ZSCAN5B: variants seen among roughly 807,000 people sequenced by gnomAD.
ZSCAN5B encodes the protein zinc finger and SCAN domain-containing protein 5B.
In ZSCAN5B, 26 loss-of-function variants were observed where a neutral mutation model predicts 25.2. The ratio of observed to expected loss-of-function variants is 1.03; its 90% CI spans 0.76 to 1.43. The LOEUF (loss-of-function observed/expected upper bound fraction) is 1.43. Ranked by LOEUF, ZSCAN5B falls within the 40% of genes most tolerant of loss-of-function variation. The pLI, the probability that ZSCAN5B is intolerant of heterozygous loss-of-function variation, is 0.00. For missense variants in ZSCAN5B, 745 were observed against 622.1 expected (o/e 1.20, Z -2.10); for synonymous variants, 244 against 240.9 (o/e 1.01, Z -0.12).
chr19:56,193,620 T>C (rs1176243496), intron 1 of ZSCAN5B, among the ~76,000 whole-genome samples: 1 of 152,248 alleles, frequency 6.6e-6, no homozygotes, highest in African/African-American at 2.4e-5. Context: ...ACATTTTTCC[T>C]GTTAACCCCA....
chr19:56,191,241 C>T (rs1005166090), intron 3 of ZSCAN5B, among the ~76,000 whole-genome samples: 1 of 152,182 alleles, frequency 6.6e-6, no homozygotes, highest in African/African-American at 2.4e-5. Flanking sequence ...TGTCTCCCTG[C>T]CCCTGACGCT....
Position 56,197,831 on chromosome 19 carries a change from C to T in ZSCAN5B, c.-225G>A, listed in dbSNP as rs369162691. On this transcript the variant is annotated 5_prime_UTR_variant, in exon 1 of 5. Coordinates refer to ENST00000586855, the Ensembl canonical transcript of ZSCAN5B. ...GTCTATTTATGGAGAAGCGGGACTCCAGGCCGCGTTTCCGGTTCCCTGCGC... is the reference window on the plus strand; with the variant it reads ...GTCTATTTATGGAGAAGCGGGACTCTAGGCCGCGTTTCCGGTTCCCTGCGC... The T allele has an allele frequency of 8.1e-5, 80 of 985,358 alleles. No homozygotes were observed. The African/African-American group carries it at 1.4e-3, about 17-fold the overall frequency. 61.0% of individuals were successfully genotyped at this position (985,358 alleles called of 1,614,324 possible).
In ZSCAN5B at chr19:56,197,721, G is replaced by C. The variant is rs1449638495; in HGVS notation, c.-128+13C>G. On this transcript the variant is annotated intron_variant, in intron 1 of 4. Coordinates refer to ENST00000586855, the Ensembl canonical transcript of ZSCAN5B. ...GCTCCGAAACCCCACAGCCATCGCC[G>C]CTGGACACTCACCTCCTTCCCGGCT... is the stretch of plus-strand genomic sequence containing the variant. The C allele has an allele frequency of 1.0e-6, 1 of 984,708 alleles. No homozygotes were observed. Among genetic ancestry groups the C allele is most frequent in the East Asian group, 1.1e-4 (1 of 8,818 alleles). 61.0% of individuals were successfully genotyped at this position (984,708 alleles called of 1,614,324 possible).
rs759081899 is a variant in ZSCAN5B, at chr19:56,193,063, G to A, written c.-11C>T. The stretch of plus-strand genomic sequence containing the variant: ...CCAATTTGCAGCCATATCTACTGGA[G>A]AATATTTCAATCAGCCTCTGAGCAA... On this transcript the variant is annotated 5_prime_UTR_variant, in exon 2 of 5. Coordinates refer to ENST00000586855, the Ensembl canonical transcript of ZSCAN5B. 11 of 1,533,806 alleles carry A rather than the reference G, an allele frequency of 7.2e-6. No individual in the cohort carries two copies. The Admixed American group carries it at 2.2e-4, about 31-fold the overall frequency.
exon 3 of ZSCAN5B, chr19:56,191,876 T>C: frequency 1.9e-6 from 3 of 1,614,002 alleles, no homozygotes; most frequent in East Asian, 2.2e-5. Context: ...GCAGCGACCC[T>C]GGGCAGGATC....
At chr19:56,197,840 T>A in exon 1 of ZSCAN5B, 1 of 985,276 alleles carries the variant, frequency 1.0e-6, no homozygotes, top group Non-Finnish European at 1.2e-6. Flanking sequence ...CCAGGCCGCG[T>A]TTCCGGTTCC....
At chr19:56,194,920 T>G (rs530032076) in intron 1 of ZSCAN5B, among the ~76,000 whole-genome samples, 49 of 152,214 alleles carry the variant, frequency 3.2e-4, no homozygotes, top group African/African-American at 1.2e-3. Context: ...TTTTTCTTTT[T>G]AAATTTGGTT....
At position 56,190,356 on chromosome 19, in the gene ZSCAN5B, T is replaced by C. The variant is rs1192556365; in HGVS notation, c.959A>G (p.Asn320Ser). The change falls in exon 5 of 5, where the codon AAC (asparagine) becomes AGC (serine). Residue 320 changes from asparagine (N) to serine (S), a missense_variant. Transcript: ENST00000586855. The stretch of plus-strand genomic sequence containing the variant: ...CTCAGCTTGTCCTGGGGATTCTCTG[T>C]TGCCCACAGGTGTGGCTTCTCCTTG... The C allele has an allele frequency of 3.1e-6, 5 of 1,614,168 alleles. No individual in the cohort carries two copies. In the South Asian group the frequency reaches 5.5e-5, roughly 18 times the overall value.
chr19:56,193,706 T>C (rs566818708), intron 1 of ZSCAN5B, among the ~76,000 whole-genome samples: 1 of 152,302 alleles, frequency 6.6e-6, no homozygotes, highest in Non-Finnish European at 1.5e-5. Flanking sequence ...CCCAGGCCTG[T>C]AATCCCAGCA....
At chr19:56,192,902 T>G in exon 2 of ZSCAN5B, 1 of 1,614,152 alleles carries the variant, frequency 6.2e-7, no homozygotes, top group South Asian at 1.1e-5. Flanking sequence ...TCTGGGCAGC[T>G]GAACATCCTG....
intron 1 of ZSCAN5B, among the ~76,000 whole-genome samples, chr19:56,194,000 C>CAGAT (rs2032775612): frequency 1.3e-5 from 2 of 151,548 alleles, no homozygotes; most frequent in Admixed American, 6.6e-5. Context: ...AGCTCCTGCA[C>CAGAT]AGATATGTGG....
At chr19:56,192,497 C>G (rs1034244226) in intron 2 of ZSCAN5B, among the ~76,000 whole-genome samples, 172 bp downstream of exon 2, 1 of 152,206 alleles carries the variant, frequency 6.6e-6, no homozygotes, top group African/African-American at 2.4e-5. Context: ...TTACCAATGT[C>G]TTTCTTTCAG....
intron 1 of ZSCAN5B, among the ~76,000 whole-genome samples, chr19:56,196,576 A>G (rs756829014): frequency 6.6e-6 from 1 of 152,096 alleles, no homozygotes; most frequent in Non-Finnish European, 1.5e-5. Flanking sequence ...TATGCTGTGC[A>G]CCGGACATAT....
At chr19:56,191,765 ATC>A in intron 3 of ZSCAN5B, 83 bp downstream of exon 3, 5 of 1,405,602 alleles carry the variant, frequency 3.6e-6, no homozygotes, top group Non-Finnish European at 4.9e-6. Context: ...CCTGTGCCAA[ATC>A]TCTCAATCAG....
chr19:56,190,573 G>C, exon 5 of ZSCAN5B: 2 of 1,610,190 alleles, frequency 1.2e-6, no homozygotes, highest in Non-Finnish European at 1.7e-6. Flanking sequence ...GCTCTCACCA[G>C]ATCTGGTGGA....
intron 4 of ZSCAN5B, 57 bp from the exon 5 acceptor site, chr19:56,190,632 C>T: frequency 6.3e-7 from 1 of 1,584,314 alleles, no homozygotes; most frequent in Non-Finnish European, 8.6e-7. Context: ...TTCAATACAC[C>T]AAACTCATTG....
intron 1 of ZSCAN5B, among the ~76,000 whole-genome samples, chr19:56,193,637 T>G (rs1181079656): frequency 1.3e-5 from 2 of 152,184 alleles, no homozygotes; most frequent in Non-Finnish European, 2.9e-5. Flanking sequence ...CCCAGGATAT[T>G]TATTTGCTGC....
exon 2 of ZSCAN5B, chr19:56,193,011 G>T: frequency 6.3e-7 from 1 of 1,598,050 alleles, no homozygotes; most frequent in Non-Finnish European, 8.5e-7. Flanking sequence ...GGCTGTTGCA[G>T]GGTCCTCCCT....
At chr19:56,192,196 C>T (rs557387772) in intron 2 of ZSCAN5B, 143 bp from the exon 3 acceptor site, 3 of 817,576 alleles carry the variant, frequency 3.7e-6, no homozygotes, top group Admixed American at 2.8e-5. Context: ...TCTGTGGACA[C>T]AGCAATCTGT....
Sources: gnomAD v4.1 joint callset for allele counts (sites outside exome capture counted in the v4.1 genomes callset) on GRCh38, gnomAD v4.1.1 for gene constraint, MANE v1.5 for transcripts, NCBI Gene and HGNC (gene_info 2026-07-23, HGNC 2026-07-21) for gene names.